The following INTS9 variants were observed in gnomAD, a reference collection of about 807,000 sequenced individuals.
The protein encoded by INTS9 is protein related to CPSF subunits of 74 kDa.
In INTS9, 55 loss-of-function variants were observed where a neutral mutation model predicts 79.7. The observed-to-expected ratio is 0.69, with a 90% confidence interval of 0.56 to 0.86. The LOEUF is 0.86. Ranked by LOEUF, INTS9 falls within the 40% of genes least tolerant of loss-of-function variation. INTS9 has a pLI of 0.00. For missense variants in INTS9, 721 were observed against 831.5 expected (o/e 0.87, Z 1.64); for synonymous variants, 319 against 325.2 (o/e 0.98, Z 0.20).
At chr8:28,815,300 A>G (rs1240298080) in intron 6 of INTS9, among the ~76,000 whole-genome samples, 3 of 152,352 alleles carry the variant, frequency 2.0e-5, no homozygotes, top group Non-Finnish European at 2.9e-5. Context: ...CAAATAAGCT[A>G]AAAAGATTTA....
chr8:28,784,357 AC>A (rs1166602933), intron 11 of INTS9, among the ~76,000 whole-genome samples: 3 of 152,264 alleles, frequency 2.0e-5, no homozygotes, highest in African/African-American at 7.2e-5. Context: ...AGCAAAGTCC[AC>A]CACAAGATGT....
At chr8:28,777,001 ATTC>A (rs1373053885) in intron 13 of INTS9, among the ~76,000 whole-genome samples, 3 of 152,146 alleles carry the variant, frequency 2.0e-5, no homozygotes, top group Non-Finnish European at 4.4e-5. Flanking sequence ...GAGTGCCAGT[ATTC>A]TTTCTTCATT....
chr8:28,850,416 AAG>A (rs1387172405), intron 2 of INTS9, 143 bp from the exon 3 acceptor site: 8 of 531,316 alleles, frequency 1.5e-5, no homozygotes, highest in Non-Finnish European at 2.3e-5. Flanking sequence ...AATAAAAAAT[AAG>A]AGAAATAACC....
intron 1 of INTS9, among the ~76,000 whole-genome samples, chr8:28,879,938 C>T (rs1044856623): frequency 6.6e-6 from 1 of 151,866 alleles, no homozygotes; most frequent in African/African-American, 2.4e-5. Context: ...AATGGAAATG[C>T]GCTAAATCTG....
At chr8:28,849,395 T>C (rs1807700240) in intron 3 of INTS9, among the ~76,000 whole-genome samples, 1 of 152,140 alleles carries the variant, frequency 6.6e-6, no homozygotes, top group East Asian at 1.9e-4. Flanking sequence ...AAAAATTTAA[T>C]AGCCTCAAAG....
chr8:28,816,552 A>G (rs1286430397), intron 6 of INTS9, among the ~76,000 whole-genome samples: 1 of 149,438 alleles, frequency 6.7e-6, no homozygotes, highest in African/African-American at 2.5e-5. Flanking sequence ...CCAGTCTATC[A>G]TTGTTGGACA....
intron 1 of INTS9, among the ~76,000 whole-genome samples, chr8:28,889,111 A>G (rs888624677): frequency 6.6e-6 from 1 of 152,190 alleles, no homozygotes; most frequent in African/African-American, 2.4e-5. Context: ...ACACTATGTT[A>G]TTAACTAATT....
At chr8:28,838,211 C>T (rs1806928822) in intron 4 of INTS9, among the ~76,000 whole-genome samples, 2 of 151,974 alleles carry the variant, frequency 1.3e-5, no homozygotes, top group Non-Finnish European at 1.5e-5. Context: ...GAAACCAGCT[C>T]TTCAAAAGCC....
At chr8:28,881,819 C>A in intron 1 of INTS9, among the ~76,000 whole-genome samples, 1 of 140,686 alleles carries the variant, frequency 7.1e-6, no homozygotes, top group Non-Finnish European at 1.6e-5. Flanking sequence ...CCGCCCCGTC[C>A]GGGAGGGTGG....
chr8:28,836,153 T>C (rs192373785), intron 5 of INTS9, among the ~76,000 whole-genome samples: 21 of 152,300 alleles, frequency 1.4e-4, no homozygotes, highest in African/African-American at 5.1e-4. Flanking sequence ...TTTCTTGATA[T>C]GTTTTAGGAA....
chr8:28,796,633 T>C lies in INTS9; in HGVS notation c.767A>G (p.Lys256Arg). ...HPQPMDQASL[K>R]NSDVLVLTGL... ...TGTCAGAACAAGAACATCGCTGTTT[T>C]TGAGAGAAGCTTGGTCCATGGGCTG... Residue 256 changes from lysine (K) to arginine (R), a missense_variant, in exon 9 of 17, where the codon AAA becomes AGA. Physicochemically the swap from Lys to Arg is conservative, Grantham distance 26. Transcript: ENST00000521022. 6.2e-7 allele frequency: 1 copy of C among 1,613,608 alleles called. No individual in the cohort carries two copies. The highest frequency in any genetic ancestry group is 8.5e-7 in the Non-Finnish European group (1 of 1,179,532).
intron 1 of INTS9, among the ~76,000 whole-genome samples, chr8:28,888,864 T>C (rs1173754090): frequency 6.6e-6 from 1 of 152,216 alleles, no homozygotes; most frequent in Non-Finnish European, 1.5e-5. Context: ...GTTGTGTGGT[T>C]TGGCAAAGCA....
Position 28,884,168 on chromosome 8 carries a change from CTTTTTTTTTTTTTTTT to C in INTS9, c.9+5690_9+5705del, listed in dbSNP as rs35799882. 0.013 allele frequency among the ~76,000 whole-genome samples: 615 copies of C among 47,044 alleles called. 47 individuals are homozygous for C. The Admixed American group carries it at 0.16, about 12-fold the overall frequency. 30.9% of individuals were successfully genotyped at this position (47,044 alleles called of 152,430 possible). A position where few individuals can be genotyped will look rare whatever the true frequency, so the allele number is the denominator to read the frequency against. On this transcript the variant is annotated intron_variant, in intron 1 of 16. Transcript: ENST00000521022. ...TACCAAAAGTCTGTCATCAGTGTATCTTTTTTTTTTTTTTTTTTTTTTTTTTTTTTGGTTGGAGACA... is the reference window on the plus strand; with the variant it reads ...TACCAAAAGTCTGTCATCAGTGTATCTTTTTTTTTTTTTTGGTTGGAGACA...
chr8:28,868,997 G>T (rs754813513), intron 1 of INTS9, among the ~76,000 whole-genome samples: 1 of 152,058 alleles, frequency 6.6e-6, no homozygotes, highest in East Asian at 1.9e-4. Flanking sequence ...TACTTGGGAG[G>T]CTGAGGCAGG....
chr8:28,889,741 T>C lies in INTS9; in HGVS notation c.9+133A>G, dbSNP rs183495960. Reference sequence around the variant, plus strand: ...CTCAACAACAAAAAGCAGCTTTCCTTAGCCCACTCCACTTTCCAGCTCAAT... The same window carrying C: ...CTCAACAACAAAAAGCAGCTTTCCTCAGCCCACTCCACTTTCCAGCTCAAT... On this transcript the variant is annotated intron_variant, in intron 1 of 16. Transcript: ENST00000521022. 3.2e-6 allele frequency: 3 copies of C among 950,980 alleles called. No individual in the cohort carries two copies. The Admixed American group carries it at 7.5e-5, about 24-fold the overall frequency. The allele number at this position is 950,980 out of a possible 1,614,324, so 58.9% of individuals were successfully genotyped here.
rs139104641 is a variant in INTS9 at position 28,848,371 on chromosome 8, G to A, written c.199-1562C>T. Among the ~76,000 whole-genome samples the A allele has an allele frequency of 3.3e-3, 501 of 152,236 alleles. 3 individuals are homozygous for A. Among genetic ancestry groups the A allele is most frequent in the African/African-American group, 0.011 (476 of 41,560 alleles). The stretch of plus-strand genomic sequence containing the variant: ...CTCTCAATCTTTATCTGAAAATAGG[G>A]CATTGACTACATAGTACTGGTCCTT... On this transcript the variant is annotated intron_variant, in intron 3 of 16. Coordinates refer to ENST00000521022, the MANE Select transcript of INTS9 (RefSeq NM_018250.4).
chr8:28,769,692 G>C, intron 16 of INTS9, 197 bp downstream of exon 16: 1 of 633,928 alleles, frequency 1.6e-6, no homozygotes, highest in Non-Finnish European at 2.6e-6. Flanking sequence ...CGTGCTGGGA[G>C]GAAGGATGGG....
At chr8:28,852,031 C>CAT (rs562452534) in intron 2 of INTS9, among the ~76,000 whole-genome samples, 36 of 152,180 alleles carry the variant, frequency 2.4e-4, no homozygotes, top group African/African-American at 8.7e-4. Flanking sequence ...CCAGCCTGGG[C>CAT]ATCATAGTAA....
intron 1 of INTS9, among the ~76,000 whole-genome samples, chr8:28,867,765 T>C (rs903799512): frequency 1.5e-4 from 23 of 151,966 alleles, no homozygotes; most frequent in Admixed American, 1.5e-3. Context: ...ACATCATCTA[T>C]GTTCTTTTCT....
Sources: allele counts gnomAD v4.1 joint callset (sites outside exome capture counted in the v4.1 genomes callset), GRCh38; gene constraint gnomAD v4.1.1; transcripts MANE v1.5; gene names NCBI Gene and HGNC (gene_info 2026-07-23, HGNC 2026-07-21).